The following GNA14 variants were observed in gnomAD, a reference collection of about 807,000 sequenced individuals.
GNA14 encodes the protein G protein subunit alpha 14, also known as guanine nucleotide-binding protein subunit alpha-14.
A neutral mutation model predicts 42.0 loss-of-function variants in GNA14; 50 were observed. That is an observed-to-expected ratio of 1.19 (90% CI 0.95 to 1.51). The LOEUF (loss-of-function observed/expected upper bound fraction) is 1.51, where lower values mean the gene tolerates loss of function less well. GNA14 is among the 40% of genes most tolerant of loss of function. The pLI is 0.00. For missense variants in GNA14, 473 were observed against 446.2 expected, an observed-to-expected ratio of 1.06 and a Z score of -0.54; for synonymous variants, 173 against 163.1, an observed-to-expected ratio of 1.06 and a Z score of -0.46.
chr9:77,594,074 G>A (rs1459100894), intron 1 of GNA14, among the ~76,000 whole-genome samples: 1 of 152,194 alleles, frequency 6.6e-6, no homozygotes, highest in Non-Finnish European at 1.5e-5. Context: ...TGTAGCATAG[G>A]GGAGGTGATA....
rs535425993 is a variant in GNA14, at chr9:77,545,702, T to A, written c.125-16449A>T. ...TTCCCTGGTCAGAGTGTCCAACTCA[T>A]CCTCACACTGTTCCGCATTACTTTT... On this transcript the variant is annotated intron_variant, in intron 1 of 6. Coordinates refer to ENST00000341700, the MANE Select transcript of GNA14 (RefSeq NM_004297.4). Among the ~76,000 whole-genome samples the A allele has an allele frequency of 3.9e-4, 60 of 152,248 alleles. 2 individuals carry two copies. The highest frequency in any genetic ancestry group is 1.9e-3 in the South Asian group (9 of 4,816).
chr9:77,572,923 G>C (rs1045242006), intron 1 of GNA14, among the ~76,000 whole-genome samples: 1 of 152,106 alleles, frequency 6.6e-6, no homozygotes, highest in Non-Finnish European at 1.5e-5. Flanking sequence ...CAGGTCAATA[G>C]AACTAGCTGA....
intron 1 of GNA14, among the ~76,000 whole-genome samples, chr9:77,635,838 C>A (rs1466893760): frequency 6.6e-6 from 1 of 152,194 alleles, no homozygotes; most frequent in Non-Finnish European, 1.5e-5. Context: ...TCTGCTGAGT[C>A]CCTTCACTCC....
intron 6 of GNA14, 116 bp from the exon 7 acceptor site, chr9:77,424,285 CG>C: frequency 1.6e-6 from 1 of 627,022 alleles, no homozygotes; most frequent in Non-Finnish European, 2.7e-6. Flanking sequence ...TGCAGTGGCA[CG>C]GTCTCAGCTC....
intron 1 of GNA14, among the ~76,000 whole-genome samples, chr9:77,640,798 T>C (rs916062324): frequency 3.4e-5 from 5 of 148,016 alleles, no homozygotes; most frequent in African/African-American, 5.0e-5. Flanking sequence ...AACAGCTGAT[T>C]TCTTCCCCAG....
At chr9:77,524,653 G>T (rs59126819) in intron 2 of GNA14, among the ~76,000 whole-genome samples, 12,406 of 152,130 alleles carry the variant, frequency 0.082, 1,704 homozygotes, top group African/African-American at 0.28. Flanking sequence ...TCACTAATCA[G>T]TTTATCATTT....
At chr9:77,431,081 A>G (rs944320218) in intron 4 of GNA14, among the ~76,000 whole-genome samples, 2 of 147,918 alleles carry the variant, frequency 1.4e-5, no homozygotes, top group South Asian at 4.4e-4. Context: ...TGTGTTACAC[A>G]TAAGAATCAT....
intron 2 of GNA14, among the ~76,000 whole-genome samples, chr9:77,504,424 C>T (rs1305466614): frequency 6.6e-6 from 1 of 151,790 alleles, no homozygotes; most frequent in African/African-American, 2.4e-5. Context: ...AGGCCAAAAG[C>T]CAGAAATGTT....
At chr9:77,603,431 C>A (rs1823598016) in intron 1 of GNA14, among the ~76,000 whole-genome samples, 1 of 152,024 alleles carries the variant, frequency 6.6e-6, no homozygotes, top group African/African-American at 2.4e-5. Context: ...ATGAAGAGTT[C>A]CAGTATTTTC....
intron 2 of GNA14, among the ~76,000 whole-genome samples, chr9:77,490,960 C>G (rs896329416): frequency 3.3e-5 from 5 of 152,176 alleles, no homozygotes; most frequent in Admixed American, 2.6e-4. Context: ...GGAGAGAATC[C>G]TAAAAGCAGC....
intron 2 of GNA14, among the ~76,000 whole-genome samples, chr9:77,442,332 A>G (rs992128729): frequency 2.0e-5 from 3 of 152,184 alleles, no homozygotes; most frequent in African/African-American, 7.2e-5. Context: ...AGATCACACA[A>G]TTGCACTCCA....
rs563283895 is a variant in GNA14 at position 77,633,686 on chromosome 9, G to C, written c.124+13984C>G. 4.0e-5 allele frequency among the ~76,000 whole-genome samples: 6 copies of C among 151,768 alleles called. No individual in the cohort carries two copies. In the South Asian group the frequency reaches 1.0e-3, roughly 26 times the overall value. ...GGGCACAGCAGATATTTGCCCCCATGGGGTAGATTTTGGTGAGCTGTCTGG... is the reference window on the plus strand; with the variant it reads ...GGGCACAGCAGATATTTGCCCCCATCGGGTAGATTTTGGTGAGCTGTCTGG... On this transcript the variant is annotated intron_variant, in intron 1 of 6. Coordinates refer to ENST00000341700, the MANE Select transcript of GNA14 (RefSeq NM_004297.4).
At chr9:77,484,335 T>A (rs1836617823) in intron 2 of GNA14, among the ~76,000 whole-genome samples, 1 of 152,156 alleles carries the variant, frequency 6.6e-6, no homozygotes, top group Admixed American at 6.5e-5. Flanking sequence ...AATGGGCACA[T>A]AAAACAACCT....
At chr9:77,544,011 A>T (rs1003218370) in intron 1 of GNA14, among the ~76,000 whole-genome samples, 1 of 152,228 alleles carries the variant, frequency 6.6e-6, no homozygotes, top group African/African-American at 2.4e-5. Context: ...TAAAAAAATC[A>T]ATACAAATAT....
At position 77,575,815 on chromosome 9, in the gene GNA14, C is replaced by T. The variant is rs149698824; in HGVS notation, c.125-46562G>A. ...ATTCTGATTTAATTGATTGAGTTGT[C>T]GGGGGCTGAACTTGGGGATATTTGA... On this transcript the variant is annotated intron_variant, in intron 1 of 6. Transcript: ENST00000341700. Among the ~76,000 whole-genome samples the T allele has an allele frequency of 1.5e-3, 233 of 152,216 alleles. 2 individuals are homozygous for T. Among genetic ancestry groups the T allele is most frequent in the African/African-American group, 5.0e-3 (209 of 41,528 alleles).
rs542116921 is a variant in GNA14 at position 77,624,910 on chromosome 9, G to A, written c.124+22760C>T. Among the ~76,000 whole-genome samples the A allele has an allele frequency of 7.9e-5, 12 of 151,986 alleles. No homozygotes were observed. In the East Asian group the frequency reaches 1.8e-3, roughly 22 times the overall value. ...AAATTGGATGGAGAATGAATTTGAC[G>A]AATTGACCGAAGTAGGCTTCAGAAG... On this transcript the variant is annotated intron_variant, in intron 1 of 6. Coordinates refer to ENST00000341700, the MANE Select transcript of GNA14 (RefSeq NM_004297.4).
intron 1 of GNA14, among the ~76,000 whole-genome samples, chr9:77,587,119 TAAAAAAAA>T (rs34578177): frequency 6.6e-6 from 1 of 151,172 alleles, no homozygotes. Flanking sequence ...TAGCTATACT[TAAAAAAAA>T]AAGAAAAGAA....
intron 1 of GNA14, among the ~76,000 whole-genome samples, chr9:77,638,621 G>A (rs1055319908): frequency 1.2e-4 from 19 of 152,216 alleles, no homozygotes; most frequent in Non-Finnish European, 2.4e-4. Context: ...AAACCAGTGG[G>A]AGAATGACCC....
intron 2 of GNA14, among the ~76,000 whole-genome samples, chr9:77,520,308 G>C (rs1488367577): frequency 6.6e-6 from 1 of 152,188 alleles, no homozygotes; most frequent in Non-Finnish European, 1.5e-5. Flanking sequence ...TCATTGATCA[G>C]TGAAGTAACT....
Sources: allele counts gnomAD v4.1 joint callset (sites outside exome capture counted in the v4.1 genomes callset), GRCh38; gene constraint gnomAD v4.1.1; transcripts MANE v1.5; gene names NCBI Gene and HGNC (gene_info 2026-07-23, HGNC 2026-07-21).